PCDH15: variants seen among roughly 807,000 people sequenced by gnomAD.
PCDH15 encodes the protein protocadherin related 15.
PCDH15 carries 129 observed loss-of-function variants against 178.5 expected under a neutral mutation model. The ratio of observed to expected loss-of-function variants is 0.72; its 90% confidence interval spans 0.63 to 0.84. PCDH15 has a LOEUF of 0.84. Ranked by LOEUF, PCDH15 falls within the 40% of genes least tolerant of loss-of-function variation. The probability of loss-of-function intolerance (pLI) is 0.00; values close to 1 mark genes in which losing one functional copy is unlikely to be tolerated. For missense variants in PCDH15, 2,230 were observed against 2,099.9 expected (o/e 1.06, Z -1.21); for synonymous variants, 800 against 732.0 (o/e 1.09, Z -1.50).
intron 2 of PCDH15, among the ~76,000 whole-genome samples, chr10:54,581,340 C>T (rs916029965): frequency 6.6e-6 from 1 of 151,938 alleles, no homozygotes; most frequent in East Asian, 1.9e-4. Flanking sequence ...TTACAATACC[C>T]ACAATAAAAA....
chr10:55,393,412 T>C (rs1051323150), intron 2 of PCDH15, among the ~76,000 whole-genome samples: 10 of 152,182 alleles, frequency 6.6e-5, no homozygotes, highest in African/African-American at 2.2e-4. Context: ...GCAAAATTTG[T>C]TGTTATTTGT....
chr10:54,420,213 C>T (rs1955047809), intron 3 of PCDH15, among the ~76,000 whole-genome samples: 1 of 152,028 alleles, frequency 6.6e-6, no homozygotes, highest in South Asian at 2.1e-4. Context: ...GCCCATAATG[C>T]TTTATTTCAA....
chr10:54,996,438 G>A (rs905854586), intron 2 of PCDH15, among the ~76,000 whole-genome samples: 3 of 152,130 alleles, frequency 2.0e-5, no homozygotes, highest in Non-Finnish European at 4.4e-5. Context: ...TTGGATACTT[G>A]GGGCTAGTTT....
intron 17 of PCDH15, among the ~76,000 whole-genome samples, chr10:54,076,295 AT>A (rs1413848820): frequency 1.3e-5 from 2 of 152,008 alleles, no homozygotes; most frequent in African/African-American, 4.8e-5. Flanking sequence ...TTGTGTGCTG[AT>A]TTTGTACTCT....
chr10:54,137,623 T>C (rs1039675651), intron 14 of PCDH15, among the ~76,000 whole-genome samples: 19 of 152,262 alleles, frequency 1.2e-4, no homozygotes, highest in African/African-American at 4.6e-4. Flanking sequence ...TTATGATTGC[T>C]TCCTAGCCCC....
intron 21 of PCDH15, among the ~76,000 whole-genome samples, chr10:53,988,101 A>T (rs2091228886): frequency 6.6e-6 from 1 of 152,176 alleles, no homozygotes; most frequent in Admixed American, 6.5e-5. Flanking sequence ...ATGCAACCAC[A>T]TCATCCCCGC....
chr10:55,070,429 T>C (rs528267785), intron 2 of PCDH15, among the ~76,000 whole-genome samples: 3 of 152,206 alleles, frequency 2.0e-5, no homozygotes, highest in South Asian at 2.1e-4. Flanking sequence ...GTTTAAGTCT[T>C]TAATCCATCT....
At chr10:54,368,334 TTGAAA>T (rs1947117344) in intron 5 of PCDH15, among the ~76,000 whole-genome samples, 1 of 151,986 alleles carries the variant, frequency 6.6e-6, no homozygotes, top group Non-Finnish European at 1.5e-5. Context: ...AAAAAAAATC[TTGAAA>T]TGAAAAGATG....
intron 1 of PCDH15, among the ~76,000 whole-genome samples, chr10:55,241,564 T>G (rs533908066): frequency 6.6e-6 from 1 of 152,048 alleles, no homozygotes; most frequent in South Asian, 2.1e-4. Context: ...AGACCACAGG[T>G]GTACACCACC....
intron 14 of PCDH15, among the ~76,000 whole-genome samples, chr10:54,142,721 A>G (rs1473802056): frequency 6.6e-6 from 1 of 152,142 alleles, no homozygotes; most frequent in Non-Finnish European, 1.5e-5. Context: ...TTAAAATTAG[A>G]TTTAACATTA....
At chr10:54,580,863 T>C (rs2090972901) in intron 2 of PCDH15, among the ~76,000 whole-genome samples, 1 of 151,950 alleles carries the variant, frequency 6.6e-6, no homozygotes, top group East Asian at 1.9e-4. Flanking sequence ...TATGATCATC[T>C]CCATAGATGC....
At chr10:54,714,464 T>C (rs2095457145) in intron 1 of PCDH15, among the ~76,000 whole-genome samples, 4 of 152,166 alleles carry the variant, frequency 2.6e-5, no homozygotes, top group Admixed American at 2.6e-4. Flanking sequence ...TTATCCTCAT[T>C]AGGATTCAAC....
intron 28 of PCDH15, among the ~76,000 whole-genome samples, chr10:53,844,320 A>G (rs2077840220): frequency 6.6e-6 from 1 of 152,066 alleles, no homozygotes. Flanking sequence ...TAGTTAGTAA[A>G]GAACTTAAGT....
chr10:54,055,243 G>A (rs1027715480), intron 18 of PCDH15, among the ~76,000 whole-genome samples: 1 of 152,076 alleles, frequency 6.6e-6, no homozygotes, highest in Non-Finnish European at 1.5e-5. Context: ...GTCTCATACT[G>A]GGAATACATT....
At chr10:55,356,943 T>C (rs1050487463) in intron 2 of PCDH15, among the ~76,000 whole-genome samples, 31 of 151,982 alleles carry the variant, frequency 2.0e-4, no homozygotes, top group African/African-American at 7.5e-4. Flanking sequence ...CTACTTTTCA[T>C]ATTCTGAAAC....
intron 1 of PCDH15, among the ~76,000 whole-genome samples, chr10:54,755,104 G>A (rs1057032261): frequency 2.0e-5 from 3 of 151,758 alleles, no homozygotes; most frequent in Non-Finnish European, 4.4e-5. Flanking sequence ...GGCTTATTTT[G>A]TATTTTCAGT....
chr10:54,946,943 G>C (rs1838213413), intron 2 of PCDH15, among the ~76,000 whole-genome samples: 1 of 151,898 alleles, frequency 6.6e-6, no homozygotes, highest in Non-Finnish European at 1.5e-5. Context: ...AGGTACATCT[G>C]TATTAGCAAT....
chr10:54,468,477 CTTG>C (rs1344433203), intron 3 of PCDH15, among the ~76,000 whole-genome samples: 1 of 151,530 alleles, frequency 6.6e-6, no homozygotes, highest in Non-Finnish European at 1.5e-5. Context: ...TTTCAAAGTT[CTTG>C]TTATTTTTTA....
intron 1 of PCDH15, among the ~76,000 whole-genome samples, chr10:54,677,697 T>C (rs1284203996): frequency 6.6e-6 from 1 of 152,188 alleles, no homozygotes; most frequent in Non-Finnish European, 1.5e-5. Flanking sequence ...TTCCAATTTT[T>C]TAGGTAACAT....
Sources: allele counts gnomAD v4.1 joint callset (sites outside exome capture counted in the v4.1 genomes callset), GRCh38; gene constraint gnomAD v4.1.1; transcripts MANE v1.5; gene names NCBI Gene and HGNC (gene_info 2026-07-23, HGNC 2026-07-21).